The following DLC1 variants were observed in gnomAD, a reference collection of about 807,000 sequenced individuals.
DLC1 encodes rho GTPase-activating protein 7.
A neutral mutation model predicts 140.3 loss-of-function variants in DLC1; 54 were observed. The ratio of observed to expected loss-of-function variants is 0.38; its 90% CI spans 0.31 to 0.48. The LOEUF (loss-of-function observed/expected upper bound fraction) is 0.48. Ranked by LOEUF, DLC1 falls within the 20% of genes least tolerant of loss-of-function variation. The pLI is 0.96. For synonymous variants in DLC1, 986 were observed against 728.1 expected (o/e 1.35, Z -5.70); for missense variants, 2,536 against 1,907.0 (o/e 1.33, Z -6.14).
intron 2 of DLC1, among the ~76,000 whole-genome samples, chr8:13,496,812 TTTTTTTG>T (rs1563397909): frequency 0.011 from 160 of 14,464 alleles, 25 homozygotes; most frequent in South Asian, 0.041. Flanking sequence ...TTTTTTTTTT[TTTTTTTG>T]AGATGGAGTT....
intron 2 of DLC1, among the ~76,000 whole-genome samples, chr8:13,498,609 C>T (rs775608968): frequency 5.9e-5 from 9 of 152,084 alleles, no homozygotes; most frequent in Non-Finnish European, 1.2e-4. Flanking sequence ...ATTTATACCA[C>T]CTTTTTTTCT....
chr8:13,502,874 G>A (rs1801884245), intron 1 of DLC1, among the ~76,000 whole-genome samples: 1 of 152,184 alleles, frequency 6.6e-6, no homozygotes, highest in Non-Finnish European at 1.5e-5. Context: ...TTGGTTTTAT[G>A]AAGTGAATTT....
chr8:13,523,738 C>G (rs531850058), intron 1 of DLC1, among the ~76,000 whole-genome samples: 1 of 151,970 alleles, frequency 6.6e-6, no homozygotes, highest in African/African-American at 2.4e-5. Flanking sequence ...AATTGAAAGC[C>G]AAGATTGGAG....
At chr8:13,384,335 G>C (rs9693448) in intron 4 of DLC1, among the ~76,000 whole-genome samples, 1,902 of 133,270 alleles carry the variant, frequency 0.014, 47 homozygotes, top group African/African-American at 0.046. Context: ...GATGCAGGTA[G>C]ACACCTACCT....
chr8:13,299,932 G>A (rs1586093507), intron 5 of DLC1, among the ~76,000 whole-genome samples: 2 of 152,118 alleles, frequency 1.3e-5, no homozygotes, highest in South Asian at 4.1e-4. Context: ...GCATTACTGG[G>A]TATATATTCA....
chr8:13,455,740 G>C (rs566955792), intron 2 of DLC1, among the ~76,000 whole-genome samples: 2 of 152,146 alleles, frequency 1.3e-5, no homozygotes, highest in Admixed American at 1.3e-4. Context: ...GATAGGCAAG[G>C]TGGCTCATGC....
chr8:13,144,561 C>A (rs1008861137), intron 5 of DLC1, among the ~76,000 whole-genome samples: 7 of 152,046 alleles, frequency 4.6e-5, no homozygotes, highest in African/African-American at 1.4e-4. Context: ...ATCAGGAGAT[C>A]GAGAACATCC....
chr8:13,209,490 T>A (rs935300503), intron 5 of DLC1, among the ~76,000 whole-genome samples: 3 of 151,806 alleles, frequency 2.0e-5, no homozygotes, highest in Non-Finnish European at 4.4e-5. Flanking sequence ...GATTATAGAA[T>A]ATGGTATTGC....
At chr8:13,091,789 G>GTCA (rs1818098741) in intron 13 of DLC1, among the ~76,000 whole-genome samples, 1 of 152,118 alleles carries the variant, frequency 6.6e-6, no homozygotes, top group African/African-American at 2.4e-5. Flanking sequence ...AGTAAAGGGT[G>GTCA]TCATCATCTT....
intron 5 of DLC1, among the ~76,000 whole-genome samples, chr8:13,176,586 C>G (rs1266200747): frequency 6.6e-6 from 1 of 152,104 alleles, no homozygotes; most frequent in African/African-American, 2.4e-5. Context: ...CTCAAACAAA[C>G]AAACACACAA....
In DLC1 at chr8:13,499,707, G is replaced by A. The variant is rs752412544; in HGVS notation, c.365C>T (p.Thr122Ile). The A allele has an allele frequency of 1.2e-6, 2 of 1,614,150 alleles. No individual in the cohort carries two copies. Among genetic ancestry groups the A allele is most frequent in the Non-Finnish European group, 1.7e-6 (2 of 1,180,022 alleles). The change falls in exon 2 of 18, where the codon ACA becomes ATA. Residue 122 changes from threonine (T) to isoleucine (I), a missense_variant. Transcript: ENST00000276297. ...GGTATTTAAAACCTGTTTATCATCTGTAAGGCATAAATCAGCATTGTTATC... is the reference window on the plus strand; with the variant it reads ...GGTATTTAAAACCTGTTTATCATCTATAAGGCATAAATCAGCATTGTTATC... ...DEDNNADLCL[T>I]DDKQVLNTQG... is the part of the protein sequence containing the mutation.
At chr8:13,132,577 G>A (rs1227879586) in intron 5 of DLC1, among the ~76,000 whole-genome samples, 1 of 152,174 alleles carries the variant, frequency 6.6e-6, no homozygotes, top group Non-Finnish European at 1.5e-5. Context: ...AAGGAAGGTA[G>A]AAGGCGGTGT....
Position 13,449,849 on chromosome 8 carries a change from C to G in DLC1, c.1024-48230G>C, listed in dbSNP as rs182930322. On this transcript the variant is annotated intron_variant, in intron 2 of 17. Coordinates refer to ENST00000276297, the MANE Select transcript of DLC1 (RefSeq NM_182643.3). ...AAAATCCTGTGTTTCCATTTTGCAT[C>G]TTGGTGGCAGGCTGTGATGCAATGT... Among the ~76,000 whole-genome samples the G allele has an allele frequency of 4.8e-3, 737 of 152,150 alleles. 5 individuals are homozygous for G. The highest frequency in any genetic ancestry group is 0.017 in the African/African-American group (701 of 41,530).
Position 13,099,797 on chromosome 8 carries a change from C to T in DLC1, c.2540G>A (p.Gly847Asp), listed in dbSNP as rs1486488777. Residue 847 changes from glycine (G) to aspartate (D), a missense_variant, in exon 9 of 18, where the codon GGC becomes GAC. Coordinates refer to ENST00000276297, the MANE Select transcript of DLC1 (RefSeq NM_182643.3). ...NWRTGSFHGP[G>D]HISLRRENSS... ...GTTTTCCCTCCTGAGGCTGATGTGGCCAGGGCCGTGGAAGCTTCCCGTCCT... is the reference window on the plus strand; with the variant it reads ...GTTTTCCCTCCTGAGGCTGATGTGGTCAGGGCCGTGGAAGCTTCCCGTCCT... 1.1e-5 allele frequency: 17 copies of T among 1,614,116 alleles called. No homozygotes were observed. Among genetic ancestry groups the T allele is most frequent in the Non-Finnish European group, 1.4e-5 (17 of 1,180,040 alleles).
intron 1 of DLC1, among the ~76,000 whole-genome samples, chr8:13,583,487 C>A (rs1805189610): frequency 6.6e-6 from 1 of 152,172 alleles, no homozygotes; most frequent in African/African-American, 2.4e-5. Flanking sequence ...CTATTTCTAT[C>A]ATATCTGCGA....
intron 2 of DLC1, among the ~76,000 whole-genome samples, chr8:13,450,114 T>C (rs1440531166): frequency 6.6e-6 from 1 of 152,064 alleles, no homozygotes; most frequent in Non-Finnish European, 1.5e-5. Context: ...TAAATCATTA[T>C]TTAGTAAAAT....
intron 5 of DLC1, among the ~76,000 whole-genome samples, chr8:13,119,349 G>C (rs536157435): frequency 1.3e-5 from 2 of 151,966 alleles, no homozygotes; most frequent in African/African-American, 4.8e-5. Flanking sequence ...AGTAAATTTG[G>C]TGCTCATCTC....
At chr8:13,384,626 A>G (rs973387721) in intron 4 of DLC1, among the ~76,000 whole-genome samples, 2 of 152,196 alleles carry the variant, frequency 1.3e-5, no homozygotes, top group African/African-American at 2.4e-5. Context: ...ATAATGTCCA[A>G]TGATCTACCT....
intron 2 of DLC1, among the ~76,000 whole-genome samples, chr8:13,416,477 A>G (rs1035974666): frequency 1.3e-5 from 2 of 152,214 alleles, no homozygotes; most frequent in African/African-American, 2.4e-5. Flanking sequence ...CATACAAAAT[A>G]TGGCCACTTT....
Sources: allele counts gnomAD v4.1 joint callset (sites outside exome capture counted in the v4.1 genomes callset), GRCh38; gene constraint gnomAD v4.1.1; transcripts MANE v1.5; gene names NCBI Gene and HGNC (gene_info 2026-07-23, HGNC 2026-07-21).